OPN4: variants seen among roughly 807,000 people sequenced by gnomAD.
OPN4 encodes the protein opsin 4.
OPN4 carries 43 observed loss-of-function variants against 49.5 expected under a neutral mutation model. The ratio of observed to expected loss-of-function variants is 0.87; its 90% CI spans 0.68 to 1.12. The LOEUF (loss-of-function observed/expected upper bound fraction) is 1.12. Among genes scored for constraint, OPN4 ranks in the 50% most tolerant of loss-of-function variants. The probability of loss-of-function intolerance (pLI) is 0.00; values close to 1 mark genes in which losing one functional copy is unlikely to be tolerated. For missense variants in OPN4, 657 were observed against 643.9 expected, an observed-to-expected ratio of 1.02 and a Z score of -0.22; for synonymous variants, 263 against 258.0, an observed-to-expected ratio of 1.02 and a Z score of -0.19.
Position 86,662,320 on chromosome 10 carries a change from C to T in OPN4, c.1142C>T (p.Pro381Leu). ...GGTGTATCACGCCGGCACAGTCGCC[C>T]CTACCCCAGCTACCGCTCCACCCAC... Reference protein sequence around the residue: ...LLGVSRRHSRPYPSYRSTHRS... With the variant: ...LLGVSRRHSRLYPSYRSTHRS... The change falls in exon 8 of 10, where the codon CCC (proline) becomes CTC (leucine). Residue 381 changes from proline (P) to leucine (L), a missense_variant. By Grantham distance (98) the Pro-to-Leu change is moderately conservative. Coordinates refer to ENST00000241891, the MANE Select transcript of OPN4 (RefSeq NM_033282.4). 1.9e-6 allele frequency: 3 copies of T among 1,606,210 alleles called. No individual in the cohort carries two copies. Among genetic ancestry groups the T allele is most frequent in the Non-Finnish European group, 1.7e-6 (2 of 1,177,786 alleles).
chr10:86,657,032 C>A (rs1843885801), intron 2 of OPN4, among the ~76,000 whole-genome samples: 1 of 151,976 alleles, frequency 6.6e-6, no homozygotes, highest in Non-Finnish European at 1.5e-5. Flanking sequence ...CCCAGTGTCC[C>A]TCTCCATCTG....
chr10:86,665,645 G>A lies in OPN4; in HGVS notation c.1399-68G>A, dbSNP rs954678437. Reference sequence around the variant, plus strand: ...ACTGCTCGGTGACCCAGTGTGTGGAGGGTCATCGGGAGACTGCCCCCAGTG... The same window carrying A: ...ACTGCTCGGTGACCCAGTGTGTGGAAGGTCATCGGGAGACTGCCCCCAGTG... On this transcript the variant is annotated intron_variant, in intron 9 of 9. Coordinates refer to ENST00000241891, the MANE Select transcript of OPN4 (RefSeq NM_033282.4). The A allele has an allele frequency of 1.2e-4, 160 of 1,345,786 alleles. No homozygotes were observed. In the South Asian group the frequency reaches 1.9e-3, roughly 16 times the overall value. 83.4% of individuals were successfully genotyped at this position (1,345,786 alleles called of 1,614,324 possible). A position where few individuals can be genotyped will look rare whatever the true frequency, so the allele number is the denominator to read the frequency against.
At chr10:86,661,934 C>T (rs1844017463) in intron 7 of OPN4, among the ~76,000 whole-genome samples, 1 of 152,170 alleles carries the variant, frequency 6.6e-6, no homozygotes, top group African/African-American at 2.4e-5. Context: ...TCCAGAGTGT[C>T]CCTGGTCTCC....
chr10:86,659,439 C>T lies in OPN4; in HGVS notation c.771C>T (p.Phe257=). ...TTATCATCATCTACTGCTACATCTT[C>T]ATCTTCAGGGCCATCCGGGAGACAG... The part of the protein sequence containing the change: ...PLLIIIYCYI[F]IFRAIRETGR... Residue 257 remains phenylalanine (F), a synonymous_variant, in exon 5 of 10, where the codon TTC becomes TTT. Coordinates refer to ENST00000241891, the MANE Select transcript of OPN4 (RefSeq NM_033282.4). 1 of 1,614,134 alleles carries T rather than the reference C, an allele frequency of 6.2e-7. No homozygotes were observed. Among genetic ancestry groups the T allele is most frequent in the Middle Eastern group, 1.6e-4 (1 of 6,062 alleles).
intron 9 of OPN4, among the ~76,000 whole-genome samples, chr10:86,665,257 G>A (rs1844124162): frequency 6.6e-6 from 1 of 152,104 alleles, no homozygotes; most frequent in Non-Finnish European, 1.5e-5. Context: ...CCCCATCAGG[G>A]ACTGGCTTAG....
intron 8 of OPN4, 31 bp from the exon 9 acceptor site, chr10:86,663,628 C>T: frequency 6.8e-7 from 1 of 1,465,630 alleles, no homozygotes; most frequent in South Asian, 1.5e-5. Flanking sequence ...CTGTCCCTCT[C>T]ACCTCACAGT....
intron 5 of OPN4, 138 bp downstream of exon 5, chr10:86,659,606 G>A (rs1000043043): frequency 4.0e-6 from 5 of 1,255,972 alleles, no homozygotes; most frequent in African/African-American, 3.0e-5. Flanking sequence ...AAGTGCTTAT[G>A]GGGCAGCAGT....
chr10:86,665,089 C>T (rs1359087534), intron 9 of OPN4, among the ~76,000 whole-genome samples: 1 of 152,108 alleles, frequency 6.6e-6, no homozygotes, highest in African/African-American at 2.4e-5. Flanking sequence ...GCCTGTGTGA[C>T]TGTGCAAACA....
In OPN4 at chr10:86,663,729, G is replaced by A; in HGVS notation, c.1325G>A (p.Gly442Asp). ...AQQANGRSLY[G>D]QGLEDLEAKA... ...CAAGCAAATGGGCGGTCCCTCTACG[G>A]TCAGGGTCTGGAGGACTTGGAAGCC... Residue 442 changes from glycine to aspartate, a missense_variant, in exon 9 of 10, where the codon GGT becomes GAT. Coordinates refer to ENST00000241891, the MANE Select transcript of OPN4 (RefSeq NM_033282.4). 1 of 1,579,646 alleles carries A rather than the reference G, an allele frequency of 6.3e-7. No individual in the cohort carries two copies. The highest frequency in any genetic ancestry group is 8.6e-7 in the Non-Finnish European group (1 of 1,163,280).
Position 86,659,488 on chromosome 10 carries a change from G to A in OPN4, c.800+20G>A, listed in dbSNP as rs149963166. ...AGGACGGTAAGAGCCGAGCATGGAGGGGGGCTACAGGAGGGGGACCGGCCC... is the reference window on the plus strand; with the variant it reads ...AGGACGGTAAGAGCCGAGCATGGAGAGGGGCTACAGGAGGGGGACCGGCCC... On this transcript the variant is annotated intron_variant, in intron 5 of 9. Transcript: ENST00000241891. 513 of 1,611,538 alleles carry A rather than the reference G, an allele frequency of 3.2e-4. 3 individuals are homozygous for A. The African/African-American group carries it at 5.9e-3, about 19-fold the overall frequency.
rs1365923039 is a variant in OPN4 at position 86,654,944 on chromosome 10, A to G, written c.144+17A>G. On this transcript the variant is annotated intron_variant, in intron 1 of 9. Coordinates refer to ENST00000241891, the MANE Select transcript of OPN4 (RefSeq NM_033282.4). ...AGTCCCACAGTAAGCCTGGGCGAGC[A>G]TGTGCATGCACAGAGCCTTCCCTGA... is the stretch of plus-strand genomic sequence containing the variant. 1 of 1,612,546 alleles carries G rather than the reference A, an allele frequency of 6.2e-7. No individual in the cohort carries two copies. The highest frequency in any genetic ancestry group is 8.5e-7 in the Non-Finnish European group (1 of 1,179,306).
At chr10:86,657,232 G>A in intron 2 of OPN4, 2 of 780,736 alleles carry the variant, frequency 2.6e-6, no homozygotes, top group South Asian at 2.7e-5. Context: ...GATGCAGTAA[G>A]TTCACGGATG....
rs769471417 is a variant in OPN4, at chr10:86,661,314, G to T, written c.999G>T (p.Ser333=). 6.2e-7 allele frequency: 1 copy of T among 1,613,930 alleles called. No homozygotes were observed. Among genetic ancestry groups the T allele is most frequent in the African/African-American group, 1.3e-5 (1 of 74,904 alleles). Residue 333 remains serine (S), a synonymous_variant, in exon 7 of 10, where the codon TCG becomes TCT. Coordinates refer to ENST00000241891, the MANE Select transcript of OPN4 (RefSeq NM_033282.4). ...YAHVLTPYMS[S]VPAVIAKASA... ...ACGTCCTGACACCCTACATGAGCTC[G>T]GTGCCAGCCGTCATCGCCAAGGCCT... is the stretch of plus-strand genomic sequence containing the variant.
chr10:86,666,287 G>T lies in OPN4; in HGVS notation c.*536G>T, dbSNP rs776058285. On this transcript the variant is annotated 3_prime_UTR_variant, in exon 10 of 10. Transcript: ENST00000241891. The stretch of plus-strand genomic sequence containing the variant: ...CTGTGGCCCACATTCTTGTGCACGC[G>T]GGCATTTGCAGGCACGCTCTCGCGT... 12 of 186,826 alleles carry T rather than the reference G, an allele frequency of 6.4e-5. No individual in the cohort carries two copies. Among genetic ancestry groups the T allele is most frequent in the African/African-American group, 2.8e-4 (12 of 42,620 alleles). 11.6% of individuals were successfully genotyped at this position (186,826 alleles called of 1,614,324 possible).
rs17425122 is a variant in OPN4 at position 86,659,251 on chromosome 10, G to C, written c.629-46G>C. ...CAAAGCTCCTGCCAGATAAGGAGCC[G>C]TGGTCAGTGCCGCCCCAAAGGCTGA... is the stretch of plus-strand genomic sequence containing the variant. On this transcript the variant is annotated intron_variant, in intron 4 of 9. Transcript: ENST00000241891. The C allele has an allele frequency of 4.3e-5, 64 of 1,496,628 alleles. No individual in the cohort carries two copies. In the Middle Eastern group the frequency reaches 1.0e-3, roughly 24 times the overall value. The allele number at this position is 1,496,628 out of a possible 1,614,324, so 92.7% of individuals were successfully genotyped here. A position where few individuals can be genotyped will look rare whatever the true frequency, so the allele number is the denominator to read the frequency against.
At chr10:86,662,226 C>A (rs1345260082) in intron 7 of OPN4, 26 bp from the exon 8 acceptor site, 5 of 1,601,894 alleles carry the variant, frequency 3.1e-6, no homozygotes, top group Non-Finnish European at 4.3e-6. Context: ...ATCCCCTGGC[C>A]CTAATCAGAT....
chr10:86,664,907 A>G (rs948682118), intron 9 of OPN4, among the ~76,000 whole-genome samples: 2 of 152,206 alleles, frequency 1.3e-5, no homozygotes, highest in Non-Finnish European at 2.9e-5. Flanking sequence ...GCAGCCATCA[A>G]CAATCACCAA....
intron 2 of OPN4, 46 bp from the exon 3 acceptor site, chr10:86,657,986 C>T (rs1843910000): frequency 6.3e-7 from 1 of 1,596,176 alleles, no homozygotes; most frequent in Admixed American, 1.7e-5. Context: ...CTCCATAGCT[C>T]TGGAGGTGTC....
intron 8 of OPN4, among the ~76,000 whole-genome samples, chr10:86,662,704 C>T (rs966953916): frequency 2.6e-5 from 4 of 152,230 alleles, no homozygotes; most frequent in African/African-American, 9.6e-5. Flanking sequence ...CAACTCCAGG[C>T]CATCCTTTTC....
Sources: gnomAD v4.1 joint callset for allele counts (sites outside exome capture counted in the v4.1 genomes callset) on GRCh38, gnomAD v4.1.1 for gene constraint, MANE v1.5 for transcripts, NCBI Gene and HGNC (gene_info 2026-07-23, HGNC 2026-07-21) for gene names.